Variants in CACNB2 observed in about 807,000 individuals in gnomAD.
CACNB2 encodes voltage-dependent L-type calcium channel subunit beta-2.
CACNB2 carries 42 observed loss-of-function variants against 73.3 expected under a neutral mutation model. The ratio of observed to expected loss-of-function variants is 0.57; its 90% CI spans 0.45 to 0.74. The LOEUF (loss-of-function observed/expected upper bound fraction) is 0.74. CACNB2 is among the 30% of genes least tolerant of loss of function. The probability of loss-of-function intolerance (pLI) is 0.00; values close to 1 mark genes in which losing one functional copy is unlikely to be tolerated. For synonymous variants in CACNB2, 348 were observed against 310.3 expected (o/e 1.12, Z -1.28); for missense variants, 940 against 853.0 (o/e 1.10, Z -1.27).
intron 3 of CACNB2, among the ~76,000 whole-genome samples, chr10:18,447,609 G>T (rs1284329718): frequency 6.6e-6 from 1 of 151,974 alleles, no homozygotes; most frequent in Non-Finnish European, 1.5e-5. Flanking sequence ...AGGAGTGGGG[G>T]AGCTTTAAAG....
At chr10:18,362,899 ACT>A (rs894835213) in intron 2 of CACNB2, among the ~76,000 whole-genome samples, 98 of 124,810 alleles carry the variant, frequency 7.9e-4, no homozygotes, top group African/African-American at 2.7e-3. Flanking sequence ...ACAGAGTGAA[ACT>A]CTGTTTAAAA....
intron 2 of CACNB2, among the ~76,000 whole-genome samples, chr10:18,169,099 A>G (rs992567510): frequency 3.9e-5 from 6 of 152,174 alleles, no homozygotes; most frequent in South Asian, 2.1e-4. Context: ...ATAGCATACA[A>G]TTACAAAGAA....
At chr10:18,404,664 G>T (rs1202632668) in intron 3 of CACNB2, among the ~76,000 whole-genome samples, 2 of 152,164 alleles carry the variant, frequency 1.3e-5, no homozygotes, top group African/African-American at 4.8e-5. Context: ...GACGTTAGCA[G>T]TGCTTTCAGA....
At position 18,363,224 on chromosome 10, in the gene CACNB2, A is replaced by AT. The variant is rs1046019140; in HGVS notation, c.214-38697dup. ...GTGTTAAAATCTGGGATGGCTCATT[A>AT]TTTACAAGATCAATTTCAAAAGTAT... On this transcript the variant is annotated intron_variant, in intron 2 of 13. Transcript: ENST00000324631. Among the ~76,000 whole-genome samples the AT allele has an allele frequency of 2.4e-4, 36 of 152,162 alleles. 1 individual carries two copies. The highest frequency in any genetic ancestry group is 4.6e-4 in the Non-Finnish European group (31 of 68,028).
At chr10:18,313,262 A>G (rs1336637025) in intron 2 of CACNB2, among the ~76,000 whole-genome samples, 2 of 150,588 alleles carry the variant, frequency 1.3e-5, no homozygotes, top group Non-Finnish European at 3.0e-5. Context: ...TTAGATTTAT[A>G]GCAGGTTCTC....
chr10:18,413,412 A>C (rs573521453), intron 3 of CACNB2, among the ~76,000 whole-genome samples: 1 of 152,268 alleles, frequency 6.6e-6, no homozygotes, highest in African/African-American at 2.4e-5. Flanking sequence ...ACTTATAGTT[A>C]GTGTCTTTGG....
rs886046893 is a variant in CACNB2, at chr10:18,539,941, C to T, written c.*217C>T. On this transcript the variant is annotated 3_prime_UTR_variant, in exon 14 of 14. Coordinates refer to ENST00000324631, the MANE Select transcript of CACNB2 (RefSeq NM_201596.3). ...TACATAAATTGGCCTGGTATGGCTG[C>T]AGTCCTCCGGTTGCATACTGGACTC... 6.8e-5 allele frequency: 37 copies of T among 547,734 alleles called. No individual in the cohort carries two copies. Among genetic ancestry groups the T allele is most frequent in the Middle Eastern group, 5.0e-4 (1 of 1,988 alleles). The allele number at this position is 547,734 out of a possible 1,614,324, so 33.9% of individuals were successfully genotyped here.
chr10:18,325,487 C>T (rs886371674), intron 2 of CACNB2, among the ~76,000 whole-genome samples: 5 of 152,084 alleles, frequency 3.3e-5, no homozygotes, highest in Non-Finnish European at 7.4e-5. Flanking sequence ...TGAGCCACCA[C>T]ACCCAGATGA....
intron 3 of CACNB2, among the ~76,000 whole-genome samples, chr10:18,491,146 A>G (rs974513872): frequency 1.3e-5 from 2 of 152,242 alleles, no homozygotes; most frequent in Non-Finnish European, 2.9e-5. Context: ...AAGCACAATA[A>G]GAAGAAAGAG....
At chr10:18,185,072 C>A (rs1204049931) in intron 2 of CACNB2, among the ~76,000 whole-genome samples, 3 of 152,134 alleles carry the variant, frequency 2.0e-5, no homozygotes, top group Non-Finnish European at 4.4e-5. Context: ...CTCCTGGGCT[C>A]AAGCAATCCT....
Position 18,150,880 on chromosome 10 carries a change from T to TTTTTTG in CACNB2, c.121-3_121-2insTTTTTG. 7.7e-7 allele frequency: 1 copy of TTTTTTG among 1,300,366 alleles called. No homozygotes were observed. Among genetic ancestry groups the TTTTTTG allele is most frequent in the Non-Finnish European group, 1.1e-6 (1 of 943,298 alleles). 80.6% of individuals were successfully genotyped at this position (1,300,366 alleles called of 1,614,324 possible). On this transcript the variant is annotated splice_polypyrimidine_tract_variant and splice_region_variant and intron_variant, in intron 1 of 13. Transcript: ENST00000324631. The stretch of plus-strand genomic sequence containing the variant: ...CTTTTTTTTTTTTTTTTTTTTTTTT[T>TTTTTTG]AGTCATATGGAAAAGGAGCCAGAAG...
intron 3 of CACNB2, among the ~76,000 whole-genome samples, chr10:18,456,666 G>C (rs11014317): frequency 0.47 from 70,735 of 151,868 alleles, 17,883 homozygotes; most frequent in Non-Finnish European, 0.58. Flanking sequence ...ATTCCTCCAG[G>C]CCTAGCAACC....
At chr10:18,302,490 T>C (rs1222250856) in intron 2 of CACNB2, among the ~76,000 whole-genome samples, 1 of 152,208 alleles carries the variant, frequency 6.6e-6, no homozygotes, top group Non-Finnish European at 1.5e-5. Flanking sequence ...CTGTGCGATA[T>C]GTACGCAATG....
intron 2 of CACNB2, among the ~76,000 whole-genome samples, chr10:18,155,028 A>G (rs2031929290): frequency 6.6e-6 from 1 of 152,214 alleles, no homozygotes; most frequent in Non-Finnish European, 1.5e-5. Flanking sequence ...TTAGGCTTGA[A>G]AATGGGCCTT....
rs564722586 is a variant in CACNB2, at chr10:18,241,293, GA to G, written c.213+90324del. ...GCCAAATAAACTTCTTAAATTGACT[GA>G]AAAAAGATAAATAAATAAAATGCAT... On this transcript the variant is annotated intron_variant, in intron 2 of 13. Transcript: ENST00000324631. Among the ~76,000 whole-genome samples, 103 of 152,104 alleles carry G rather than the reference GA, an allele frequency of 6.8e-4. 1 individual carries two copies. Among genetic ancestry groups the G allele is most frequent in the Middle Eastern group, 3.4e-3 (1 of 294 alleles).
chr10:18,277,676 A>T (rs2038358274), intron 2 of CACNB2, among the ~76,000 whole-genome samples: 1 of 152,230 alleles, frequency 6.6e-6, no homozygotes, highest in South Asian at 2.1e-4. Flanking sequence ...TCAGCTTAAC[A>T]ATGTCTACAC....
At chr10:18,510,963 A>C (rs2050742049) in intron 6 of CACNB2, among the ~76,000 whole-genome samples, 1 of 152,182 alleles carries the variant, frequency 6.6e-6, no homozygotes, top group Non-Finnish European at 1.5e-5. Flanking sequence ...AAGGAAAAAC[A>C]TTTCTGAAGA....
intron 11 of CACNB2, 82 bp from the exon 12 acceptor site, chr10:18,536,019 C>T (rs935200389): frequency 1.2e-6 from 1 of 807,574 alleles, no homozygotes; most frequent in African/African-American, 1.7e-5. Flanking sequence ...TAAAAAGGCC[C>T]CAGAGAAAGG....
chr10:18,428,348 G>T (rs2045710749), intron 3 of CACNB2, among the ~76,000 whole-genome samples: 1 of 152,102 alleles, frequency 6.6e-6, no homozygotes, highest in South Asian at 2.1e-4. Flanking sequence ...TTTGCATGCT[G>T]CAGTTTTTCT....
Sources: allele counts gnomAD v4.1 joint callset (sites outside exome capture counted in the v4.1 genomes callset), GRCh38; gene constraint gnomAD v4.1.1; transcripts MANE v1.5; gene names NCBI Gene and HGNC (gene_info 2026-07-23, HGNC 2026-07-21).